The following MNAT1 variants were observed in gnomAD, a reference collection of about 807,000 sequenced individuals.
The protein encoded by MNAT1 is CDK-activating kinase assembly factor MAT1.
Under a neutral mutation model 42.0 loss-of-function variants are expected in MNAT1, and 43 were observed. The observed-to-expected ratio is 1.02, with a 90% CI of 0.80 to 1.32. The LOEUF is 1.32. MNAT1 is among the 40% of genes most tolerant of loss of function. The probability of loss-of-function intolerance (pLI) is 0.00; values close to 1 mark genes in which losing one functional copy is unlikely to be tolerated. For missense variants in MNAT1, 306 were observed against 350.4 expected (o/e 0.87, Z 1.01); for synonymous variants, 118 against 120.0 (o/e 0.98, Z 0.11).
At chr14:60,894,677 TG>T (rs2034915029) in intron 7 of MNAT1, among the ~76,000 whole-genome samples, 2 of 152,048 alleles carry the variant, frequency 1.3e-5, no homozygotes, top group African/African-American at 4.8e-5. Context: ...GAGCACTTTT[TG>T]TGTGTTTGTG....
chr14:60,795,294 C>G lies in MNAT1; in HGVS notation c.90-923C>G, dbSNP rs902097033. ...TCTCTCCTCCCATCCATCTTTGTAA[C>G]CTGCCTGACTGAGTGGTAGTATGGA... On this transcript the variant is annotated intron_variant, in intron 1 of 7. Coordinates refer to ENST00000261245, the MANE Select transcript of MNAT1 (RefSeq NM_002431.4). 2.0e-5 allele frequency among the ~76,000 whole-genome samples: 3 copies of G among 152,272 alleles called. 1 individual carries two copies. Among genetic ancestry groups the G allele is most frequent in the East Asian group, 3.9e-4 (2 of 5,190 alleles).
At chr14:60,747,292 T>C (rs1330073574) in intron 1 of MNAT1, among the ~76,000 whole-genome samples, 1 of 152,148 alleles carries the variant, frequency 6.6e-6, no homozygotes, top group Non-Finnish European at 1.5e-5. Context: ...CCCAAAATTA[T>C]GTCTTAATGA....
At position 60,912,927 on chromosome 14, in the gene MNAT1, G is replaced by A. The variant is rs146461028; in HGVS notation, c.809+33092G>A. ...ATAATATCCTGCAGAGTGTTTTCCA[G>A]CTTGGTTCCATTCTCCCCGTCACTT... is the stretch of plus-strand genomic sequence containing the variant. On this transcript the variant is annotated intron_variant, in intron 7 of 7. Transcript: ENST00000261245. 4.5e-3 allele frequency among the ~76,000 whole-genome samples: 679 copies of A among 152,288 alleles called. 9 individuals are homozygous for A. Among genetic ancestry groups the A allele is most frequent in the African/African-American group, 0.015 (605 of 41,554 alleles).
rs1023404335 is a variant in MNAT1, at chr14:60,879,599, C to T, written c.688-115C>T. 10 of 1,018,274 alleles carry T rather than the reference C, an allele frequency of 9.8e-6. No homozygotes were observed. The East Asian group carries it at 1.6e-4, about 17-fold the overall frequency. The allele number at this position is 1,018,274 out of a possible 1,614,324, so 63.1% of individuals were successfully genotyped here. A position where few individuals can be genotyped will look rare whatever the true frequency, so the allele number is the denominator to read the frequency against. On this transcript the variant is annotated intron_variant, in intron 6 of 7. Coordinates refer to ENST00000261245, the MANE Select transcript of MNAT1 (RefSeq NM_002431.4). ...GCATTGTACCCATGGAACAGCACAA[C>T]TAATGGCTAATACTTCTAATGTGAG...
chr14:60,858,515 T>G (rs974521442), intron 6 of MNAT1, among the ~76,000 whole-genome samples: 12 of 152,316 alleles, frequency 7.9e-5, no homozygotes, highest in African/African-American at 2.6e-4. Flanking sequence ...TCTCCCATTC[T>G]GTAGGTTGCC....
At chr14:60,908,727 G>C (rs962620787) in intron 7 of MNAT1, among the ~76,000 whole-genome samples, 2 of 152,112 alleles carry the variant, frequency 1.3e-5, no homozygotes, top group Non-Finnish European at 2.9e-5. Context: ...TATCATTGTT[G>C]GACATTTGGC....
intron 3 of MNAT1, among the ~76,000 whole-genome samples, chr14:60,803,374 C>T (rs1186757731): frequency 6.6e-6 from 1 of 152,168 alleles, no homozygotes; most frequent in Non-Finnish European, 1.5e-5. Context: ...TGGACATTTA[C>T]TAAGTACCAG....
chr14:60,811,276 A>G (rs1333676265), intron 4 of MNAT1, among the ~76,000 whole-genome samples: 1 of 139,100 alleles, frequency 7.2e-6, no homozygotes, highest in African/African-American at 2.6e-5. Flanking sequence ...TACTTTATTT[A>G]GGGCTCTTAT....
chr14:60,895,265 G>T (rs79036830), intron 7 of MNAT1, among the ~76,000 whole-genome samples: 2,521 of 152,182 alleles, frequency 0.017, 33 homozygotes, highest in Non-Finnish European at 0.028. Context: ...TCTTATTACT[G>T]TAGACCTAAA....
intron 6 of MNAT1, among the ~76,000 whole-genome samples, chr14:60,844,588 C>A (rs572524007): frequency 5.3e-5 from 8 of 152,030 alleles, no homozygotes; most frequent in Admixed American, 1.3e-4. Flanking sequence ...ATTGAGTAGT[C>A]GTTTTTAGAT....
rs192873363 is a variant in MNAT1 at position 60,945,029 on chromosome 14, G to C, written c.810-23200G>C. Among the ~76,000 whole-genome samples, 3 of 152,268 alleles carry C rather than the reference G, an allele frequency of 2.0e-5. No homozygotes were observed. In the East Asian group the frequency reaches 5.8e-4, roughly 29 times the overall value. Reference sequence around the variant, plus strand: ...ATTTCATCAGCTAATGAAAAATTCAGTCAGTGCAATTAAGCAGCTAATGTG... The same window carrying C: ...ATTTCATCAGCTAATGAAAAATTCACTCAGTGCAATTAAGCAGCTAATGTG... On this transcript the variant is annotated intron_variant, in intron 7 of 7. Transcript: ENST00000261245.
chr14:60,800,530 C>T (rs2032169165), intron 3 of MNAT1, among the ~76,000 whole-genome samples: 1 of 152,000 alleles, frequency 6.6e-6, no homozygotes, highest in Non-Finnish European at 1.5e-5. Flanking sequence ...ACAGAGCATG[C>T]CCATGTCTCA....
intron 6 of MNAT1, among the ~76,000 whole-genome samples, chr14:60,865,156 T>C (rs555443041): frequency 1.6e-4 from 25 of 152,230 alleles, no homozygotes; most frequent in African/African-American, 6.0e-4. Flanking sequence ...TCAGTCTCTA[T>C]AATGGCGTAA....
intron 7 of MNAT1, among the ~76,000 whole-genome samples, chr14:60,941,505 G>A (rs1414438227): frequency 6.6e-6 from 1 of 152,062 alleles, no homozygotes; most frequent in Non-Finnish European, 1.5e-5. Context: ...TTCAAGACCA[G>A]CTTGGGCAAC....
At chr14:60,798,256 G>T in intron 3 of MNAT1, 96 bp downstream of exon 3, 1 of 619,010 alleles carries the variant, frequency 1.6e-6, no homozygotes, top group Non-Finnish European at 2.8e-6. Context: ...CCTCTTAACA[G>T]GTTTTGTTGT....
At chr14:60,943,580 G>GT (rs1353763045) in intron 7 of MNAT1, among the ~76,000 whole-genome samples, 1 of 150,506 alleles carries the variant, frequency 6.6e-6, no homozygotes, top group Non-Finnish European at 1.5e-5. Context: ...GCAGTGGGCA[G>GT]TGAGGGAGTG....
At chr14:60,888,954 C>G (rs1443778719) in intron 7 of MNAT1, among the ~76,000 whole-genome samples, 1 of 123,946 alleles carries the variant, frequency 8.1e-6, no homozygotes, top group Non-Finnish European at 1.7e-5. Flanking sequence ...AAAGAGGATA[C>G]AAACAAATGG....
chr14:60,916,427 C>T (rs754424627), intron 7 of MNAT1, among the ~76,000 whole-genome samples: 1 of 151,678 alleles, frequency 6.6e-6, no homozygotes, highest in Non-Finnish European at 1.5e-5. Flanking sequence ...GGCCAAGGCA[C>T]AAGGATCGCT....
At chr14:60,853,927 G>A (rs1247871181) in intron 6 of MNAT1, among the ~76,000 whole-genome samples, 3 of 152,146 alleles carry the variant, frequency 2.0e-5, no homozygotes, top group East Asian at 1.9e-4. Context: ...GCTTTTGGAT[G>A]TGCTTTTGAA....
Sources: gnomAD v4.1 joint callset for allele counts (sites outside exome capture counted in the v4.1 genomes callset) on GRCh38, gnomAD v4.1.1 for gene constraint, MANE v1.5 for transcripts, NCBI Gene and HGNC (gene_info 2026-07-23, HGNC 2026-07-21) for gene names.